Variants in LPA observed in about 807,000 individuals in gnomAD.
LPA encodes lipoprotein(a), also known as apolipoprotein(a).
In LPA, 199 loss-of-function variants were observed where a neutral mutation model predicts 197.9. The ratio of observed to expected loss-of-function variants is 1.01; its 90% CI spans 0.90 to 1.13. The LOEUF is 1.13. LPA is among the 50% of genes most tolerant of loss of function. The pLI is 0.00. For missense variants in LPA, 1,853 were observed against 1,785.8 expected (o/e 1.04, Z -0.68); for synonymous variants, 715 against 639.5 (o/e 1.12, Z -1.78).
At chr6:160,608,004 C>G (rs1779395210) in intron 16 of LPA, among the ~76,000 whole-genome samples, 1 of 152,176 alleles carries the variant, frequency 6.6e-6, no homozygotes, top group African/African-American at 2.4e-5. Flanking sequence ...TTATTCCCTA[C>G]ATGATTTACG....
At chr6:160,605,650 C>G (rs1438826449) in intron 17 of LPA, among the ~76,000 whole-genome samples, 2 of 152,096 alleles carry the variant, frequency 1.3e-5, no homozygotes, top group Non-Finnish European at 2.9e-5. Flanking sequence ...AACGGACAGA[C>G]ATGAAAACAA....
chr6:160,548,044 G>A lies in LPA; in HGVS notation c.5156-107C>T, dbSNP rs41264342. ...CAGTCATGTCAGGCTTCTCTAGGACGACAGAATCAGGGGCCACATCCCTCA... is the reference window on the plus strand; with the variant it reads ...CAGTCATGTCAGGCTTCTCTAGGACAACAGAATCAGGGGCCACATCCCTCA... On this transcript the variant is annotated intron_variant, in intron 31 of 38. Coordinates refer to ENST00000316300, the MANE Select transcript of LPA (RefSeq NM_005577.4). 7.8e-4 allele frequency: 918 copies of A among 1,172,214 alleles called. 5 individuals are homozygous for A. In the African/African-American group the frequency reaches 0.012, roughly 16 times the overall value. 72.6% of individuals were successfully genotyped at this position (1,172,214 alleles called of 1,614,324 possible). A position where few individuals can be genotyped will look rare whatever the true frequency, so the allele number is the denominator to read the frequency against.
intron 1 of LPA, among the ~76,000 whole-genome samples, chr6:160,652,586 T>C (rs1371266157): frequency 1.3e-5 from 2 of 152,156 alleles, no homozygotes; most frequent in Non-Finnish European, 2.9e-5. Flanking sequence ...AGATGGAAAT[T>C]GGGATCTACT....
At chr6:160,544,541 T>C (rs888500165) in intron 33 of LPA, among the ~76,000 whole-genome samples, 11 of 152,158 alleles carry the variant, frequency 7.2e-5, no homozygotes, top group African/African-American at 2.4e-4. Flanking sequence ...GTGGCTCCCA[T>C]GATCTTCATC....
chr6:160,573,444 CAG>C lies in LPA; in HGVS notation c.4631+3690_4631+3691del, dbSNP rs1399586074. Among the ~76,000 whole-genome samples the C allele has an allele frequency of 7.3e-5, 11 of 151,518 alleles. 1 individual carries two copies. The East Asian group carries it at 2.1e-3, about 29-fold the overall frequency. ...CTCCTGAATTCTCTTTCAGGTAAAT[CAG>C]GGATTTCTTCTTGGTTTGGATCCAT... On this transcript the variant is annotated intron_variant, in intron 28 of 38. Coordinates refer to ENST00000316300, the MANE Select transcript of LPA (RefSeq NM_005577.4).
intron 28 of LPA, among the ~76,000 whole-genome samples, chr6:160,576,334 GTGTGTGTA>G (rs1190951197): frequency 1.4e-5 from 1 of 69,882 alleles, no homozygotes; most frequent in Admixed American, 1.9e-4. Flanking sequence ...GTGTGTGTGT[GTGTGTGTA>G]TATATATATA....
intron 30 of LPA, among the ~76,000 whole-genome samples, chr6:160,551,104 G>T (rs549706597): frequency 6.0e-4 from 91 of 152,140 alleles, no homozygotes; most frequent in Admixed American, 1.4e-3. Context: ...TGAACTTTTG[G>T]AGAAACTATC....
intron 1 of LPA, among the ~76,000 whole-genome samples, chr6:160,655,945 G>A (rs1437266240): frequency 6.6e-6 from 1 of 152,174 alleles, no homozygotes; most frequent in Non-Finnish European, 1.5e-5. Context: ...TCAGCTGAAG[G>A]CAAATTGCTT....
At chr6:160,566,975 A>G (rs1026781124) in intron 28 of LPA, among the ~76,000 whole-genome samples, 1 of 152,232 alleles carries the variant, frequency 6.6e-6, no homozygotes, top group Non-Finnish European at 1.5e-5. Flanking sequence ...CCAATACAGG[A>G]GCACCTAGAT....
At position 160,599,515 on chromosome 6, in the gene LPA, T is replaced by C. The variant is rs758317277; in HGVS notation, c.3272A>G (p.Glu1091Gly). The change falls in exon 20 of 39, where the codon GAA (glutamate) becomes GGA (glycine). Residue 1091 changes from glutamate (E) to glycine (G), a missense_variant. This residue lies in a region of LPA where 1,737 missense variants were observed against 1,504.4 expected (regional missense o/e 1.15). Coordinates refer to ENST00000316300, the MANE Select transcript of LPA (RefSeq NM_005577.4). The stretch of plus-strand genomic sequence containing the variant: ...AAAGACGTACGCATTTGGGTAGTTT[T>C]CTGGGGTCCGACTATGCTGGTGTGG... ...MTPHQHSRTP[E>G]NYPNAGLTRN... 3 of 1,613,932 alleles carry C rather than the reference T, an allele frequency of 1.9e-6. No individual in the cohort carries two copies. The highest frequency in any genetic ancestry group is 8.5e-7 in the Non-Finnish European group (1 of 1,179,944).
intron 21 of LPA, among the ~76,000 whole-genome samples, chr6:160,594,451 A>T (rs538028946): frequency 6.6e-6 from 1 of 152,214 alleles, no homozygotes; most frequent in Non-Finnish European, 1.5e-5. Context: ...ACTGCTATGC[A>T]TCAGGCTGTG....
In LPA at chr6:160,585,203, G is replaced by A; in HGVS notation, c.4132C>T (p.Pro1378Ser). ...PSTELPSEEA[P>S]TENSTGVQDC... ...TGGACCCCAGTGCTGTTTTCAGTTGGTGCTGAAATTAAAAGAGAAAATCAA... is the reference window on the plus strand; with the variant it reads ...TGGACCCCAGTGCTGTTTTCAGTTGATGCTGAAATTAAAAGAGAAAATCAA... The change falls in exon 26 of 39, where the codon CCA (proline) becomes TCA (serine). Residue 1378 changes from proline (P) to serine (S), a missense_variant and splice_region_variant. Around this residue, in one of 3 missense-constraint regions of LPA, gnomAD observed 1,737 missense variants for 1,504.4 expected, o/e 1.15. Coordinates refer to ENST00000316300, the MANE Select transcript of LPA (RefSeq NM_005577.4). 1 of 1,613,690 alleles carries A rather than the reference G, an allele frequency of 6.2e-7. No individual in the cohort carries two copies. The highest frequency in any genetic ancestry group is 8.5e-7 in the Non-Finnish European group (1 of 1,179,712).
chr6:160,650,713 G>A (rs879485847), intron 1 of LPA, among the ~76,000 whole-genome samples: 1 of 152,182 alleles, frequency 6.6e-6, no homozygotes, highest in African/African-American at 2.4e-5. Context: ...TAAAAGTTTA[G>A]AGGAAGTTAA....
intron 21 of LPA, among the ~76,000 whole-genome samples, chr6:160,594,684 G>T (rs1189495930): frequency 6.6e-6 from 1 of 152,160 alleles, no homozygotes; most frequent in Admixed American, 6.5e-5. Context: ...CTTTGGCCCA[G>T]GATTCTGCAT....
intron 28 of LPA, among the ~76,000 whole-genome samples, chr6:160,567,377 C>A (rs1778476227): frequency 6.6e-6 from 1 of 152,166 alleles, no homozygotes; most frequent in Non-Finnish European, 1.5e-5. Context: ...AACTGAACAA[C>A]CTGCACCTGA....
chr6:160,605,567 G>A (rs1361001528), intron 17 of LPA, among the ~76,000 whole-genome samples: 4 of 152,170 alleles, frequency 2.6e-5, no homozygotes, highest in Non-Finnish European at 5.9e-5. Flanking sequence ...AGGACTATGG[G>A]GCAGCAAACA....
At chr6:160,652,015 A>AG (rs1780014465) in intron 1 of LPA, among the ~76,000 whole-genome samples, 1 of 110,640 alleles carries the variant, frequency 9.0e-6, no homozygotes, top group Non-Finnish European at 2.1e-5. Flanking sequence ...AGAGTTCCTG[A>AG]CAAAAAAAAA....
At chr6:160,542,939 A>T in intron 33 of LPA, 131 bp from the exon 34 acceptor site, 1 of 1,252,100 alleles carries the variant, frequency 8.0e-7, no homozygotes, top group Non-Finnish European at 1.1e-6. Context: ...AATCATAAAC[A>T]CTCTTTAGAT....
At chr6:160,558,021 G>A (rs372684072) in intron 28 of LPA, among the ~76,000 whole-genome samples, 1 of 151,806 alleles carries the variant, frequency 6.6e-6, no homozygotes, top group East Asian at 1.9e-4. Flanking sequence ...CTGGGTTCAA[G>A]CCATTCTCCT....
Sources: gnomAD v4.1 joint callset for allele counts (sites outside exome capture counted in the v4.1 genomes callset) on GRCh38, gnomAD v4.1.1 for gene constraint, gnomAD v4.1.1 regional missense constraint, MANE v1.5 for transcripts, NCBI Gene and HGNC (gene_info 2026-07-23, HGNC 2026-07-21) for gene names.